The following IKBKB-DT variants were observed in gnomAD, a reference collection of about 807,000 sequenced individuals.
IKBKB-DT encodes IKBKB divergent transcript.
At chr8:42,256,458 G>A (rs1807201997) in intron 3 of IKBKB-DT, among the ~76,000 whole-genome samples, 1 of 151,252 alleles carries the variant, frequency 6.6e-6, no homozygotes, top group South Asian at 2.1e-4. Flanking sequence ...TGTAATCCAA[G>A]CTACTCAAGT....
intron 3 of IKBKB-DT, among the ~76,000 whole-genome samples, chr8:42,250,275 G>A (rs1807115519): frequency 6.6e-6 from 1 of 152,096 alleles, no homozygotes; most frequent in Non-Finnish European, 1.5e-5. Flanking sequence ...GGGGCCACGG[G>A]AGTAGTTGGT....
chr8:42,235,205 C>CTTTTTTTTTTTTTTTTTT (rs746414963), intron 3 of IKBKB-DT, among the ~76,000 whole-genome samples: 6 of 99,404 alleles, frequency 6.0e-5, no homozygotes, highest in African/African-American at 1.2e-4. Flanking sequence ...CTTTTATTTT[C>CTTTTTTTTTTTTTTTTTT]TTTTTTTTTT....
chr8:42,258,021 G>T lies in IKBKB-DT; in HGVS notation n.1529+5308C>A, dbSNP rs150645816. 1.8e-4 allele frequency among the ~76,000 whole-genome samples: 27 copies of T among 151,240 alleles called. No homozygotes were observed. The East Asian group carries it at 5.2e-3, about 29-fold the overall frequency. ...CTGAAAAAGACAACATGAAACACAG[G>T]AAATTATTCTGATAAGACGCAGATT... On this transcript the variant is annotated intron_variant and non_coding_transcript_variant, in intron 3 of 3. Transcript: ENST00000518213.
chr8:42,238,267 C>T lies in IKBKB-DT; in HGVS notation n.1530-4408G>A, dbSNP rs566846197. On this transcript the variant is annotated intron_variant and non_coding_transcript_variant, in intron 3 of 3. Transcript: ENST00000518213. Reference sequence around the variant, plus strand: ...TGTGAAATCATCTTTGCAAAAATTACGAGAGTGAGAGAAGTCTAGCCTGGC... The same window carrying T: ...TGTGAAATCATCTTTGCAAAAATTATGAGAGTGAGAGAAGTCTAGCCTGGC... 1.4e-4 allele frequency among the ~76,000 whole-genome samples: 22 copies of T among 152,208 alleles called. No individual in the cohort carries two copies. The South Asian group carries it at 2.5e-3, about 17-fold the overall frequency.
At chr8:42,260,711 T>C (rs1306365988) in intron 3 of IKBKB-DT, among the ~76,000 whole-genome samples, 2 of 151,538 alleles carry the variant, frequency 1.3e-5, no homozygotes, top group African/African-American at 4.9e-5. Flanking sequence ...AAATATCCTA[T>C]TATCAAATTC....
At chr8:42,238,826 C>T (rs952503650) in intron 3 of IKBKB-DT, among the ~76,000 whole-genome samples, 1 of 152,132 alleles carries the variant, frequency 6.6e-6, no homozygotes, top group African/African-American at 2.4e-5. Context: ...TGATTTCATC[C>T]CCTACCAATC....
chr8:42,267,311 T>TA (rs376630344), intron 1 of IKBKB-DT, among the ~76,000 whole-genome samples: 2 of 152,320 alleles, frequency 1.3e-5, no homozygotes, highest in African/African-American at 4.8e-5. Context: ...ACTTTCTTAA[T>TA]AAACTTGCTT....
chr8:42,245,266 T>A (rs906221297), intron 3 of IKBKB-DT, among the ~76,000 whole-genome samples: 2 of 151,888 alleles, frequency 1.3e-5, no homozygotes, highest in African/African-American at 4.8e-5. Context: ...AAATAAAATT[T>A]AAAAAATAAT....
chr8:42,245,073 C>T (rs374885813), intron 3 of IKBKB-DT, among the ~76,000 whole-genome samples: 6 of 151,826 alleles, frequency 4.0e-5, no homozygotes, highest in African/African-American at 1.5e-4. Context: ...CATGGTGAAA[C>T]CCCGTCTCTA....
At chr8:42,260,197 T>C (rs1333166193) in intron 3 of IKBKB-DT, among the ~76,000 whole-genome samples, 1 of 152,082 alleles carries the variant, frequency 6.6e-6, no homozygotes, top group African/African-American at 2.4e-5. Context: ...CAGAGTTGGT[T>C]GAGCACATAG....
chr8:42,240,449 C>T (rs1806985730), intron 3 of IKBKB-DT, among the ~76,000 whole-genome samples: 1 of 150,600 alleles, frequency 6.6e-6, no homozygotes, highest in Non-Finnish European at 1.5e-5. Flanking sequence ...ACAGTGAAAC[C>T]CTGTCTCTAC....
intron 3 of IKBKB-DT, among the ~76,000 whole-genome samples, chr8:42,262,497 C>T (rs1186275380): frequency 2.6e-5 from 4 of 151,278 alleles, no homozygotes; most frequent in South Asian, 2.1e-4. Context: ...TGGAGTACAA[C>T]GGCGCAATCT....
In IKBKB-DT at chr8:42,239,614, T is replaced by TTTTATATATA. The variant is rs1554502579; in HGVS notation, n.1530-5756_1530-5755insTATATATAAA. ...CCAACCAATTTTTGTAAAAGGCAAT[T>TTTTATATATA]TATATATATATATATATATATTTAT... is the stretch of plus-strand genomic sequence containing the variant. On this transcript the variant is annotated intron_variant and non_coding_transcript_variant, in intron 3 of 3. Coordinates refer to ENST00000518213, the Ensembl canonical transcript of IKBKB-DT. 2.4e-3 allele frequency among the ~76,000 whole-genome samples: 47 copies of TTTTATATATA among 19,898 alleles called. 2 individuals are homozygous for TTTTATATATA. The highest frequency in any genetic ancestry group is 0.019 in the South Asian group (8 of 416). The allele number at this position is 19,898 out of a possible 152,430, so 13.1% of individuals were successfully genotyped here.
intron 1 of IKBKB-DT, among the ~76,000 whole-genome samples, chr8:42,269,109 A>G (rs1048561739): frequency 6.6e-5 from 10 of 151,316 alleles, no homozygotes; most frequent in African/African-American, 1.9e-4. Context: ...TGAGGCCAGG[A>G]GTTCAAGCCA....
chr8:42,255,928 A>C (rs1294785402), intron 3 of IKBKB-DT, among the ~76,000 whole-genome samples: 3 of 151,910 alleles, frequency 2.0e-5, no homozygotes, highest in Admixed American at 2.0e-4. Context: ...TGGGAGGCTG[A>C]GGCAGGAGAA....
chr8:42,248,146 C>T (rs746262002), intron 3 of IKBKB-DT, among the ~76,000 whole-genome samples: 8 of 151,950 alleles, frequency 5.3e-5, no homozygotes, highest in Non-Finnish European at 8.8e-5. Context: ...GTAAGTTTCC[C>T]GAGGCCTCCC....
intron 3 of IKBKB-DT, among the ~76,000 whole-genome samples, chr8:42,253,617 AACTAGAATCTAGTC>A (rs1413636290): frequency 6.6e-6 from 1 of 152,240 alleles, no homozygotes; most frequent in Non-Finnish European, 1.5e-5. Context: ...CAATGAACAG[AACTAGAATCTAGTC>A]ACAGGTGTGT....
intron 3 of IKBKB-DT, among the ~76,000 whole-genome samples, chr8:42,236,626 G>A (rs548709125): frequency 2.0e-5 from 3 of 152,200 alleles, no homozygotes; most frequent in East Asian, 1.9e-4. Flanking sequence ...GCGTGGTGAC[G>A]CATGCCTGTA....
intron 3 of IKBKB-DT, among the ~76,000 whole-genome samples, chr8:42,251,839 A>AAAAAAAAAAAAAAAAAAAAAAAAAAAT (rs1554503177): frequency 6.6e-6 from 1 of 151,312 alleles, no homozygotes; most frequent in Admixed American, 6.6e-5. Context: ...AAAAAAAAAA[A>AAAAAAAAAAAAAAAAAAAAAAAAAAAT]AAAAGAAAAG....
Sources: allele counts gnomAD v4.1 joint callset (sites outside exome capture counted in the v4.1 genomes callset), GRCh38; gene constraint gnomAD v4.1.1; transcripts MANE v1.5; gene names NCBI Gene and HGNC (gene_info 2026-07-23, HGNC 2026-07-21).